The following KCNH8 variants were observed in gnomAD, a reference collection of about 807,000 sequenced individuals.
KCNH8 encodes voltage-gated delayed rectifier potassium channel KCNH8.
In KCNH8, 70 loss-of-function variants were observed where a neutral mutation model predicts 103.6. The observed-to-expected ratio is 0.68, with a 90% CI of 0.56 to 0.82. The LOEUF is 0.82. KCNH8 is among the 40% of genes least tolerant of loss of function. The pLI, the probability that KCNH8 is intolerant of heterozygous loss-of-function variation, is 0.00. For synonymous variants in KCNH8, 498 were observed against 489.4 expected, an observed-to-expected ratio of 1.02 and a Z score of -0.23; for missense variants, 1,217 against 1,329.9, an observed-to-expected ratio of 0.92 and a Z score of 1.32.
Position 19,342,673 on chromosome 3 carries a change from C to T in KCNH8, c.529C>T (p.His177Tyr), listed in dbSNP as rs1296375126. 6.2e-7 allele frequency: 1 copy of T among 1,610,322 alleles called. No homozygotes were observed. The highest frequency in any genetic ancestry group is 1.7e-5 in the Admixed American group (1 of 59,792). ...AGCAGTCCTTTATCACATCTCTGGGCACCTGCAAAGAAGAGAAAAGAACAA... is the reference window on the plus strand; with the variant it reads ...AGCAGTCCTTTATCACATCTCTGGGTACCTGCAAAGAAGAGAAAAGAACAA... Reference protein sequence around the residue: ...SRAVLYHISGHLQRREKNKLK... With the variant: ...SRAVLYHISGYLQRREKNKLK... The change falls in exon 4 of 16, where the codon CAC (histidine) becomes TAC (tyrosine). Residue 177 changes from histidine to tyrosine, a missense_variant. By Grantham distance (83) the His-to-Tyr change is moderately conservative. This residue lies in a region of KCNH8 where 244 missense variants were observed against 256.8 expected (regional missense o/e 0.95). Transcript: ENST00000328405.
chr3:19,264,663 A>C (rs2064483766), intron 2 of KCNH8, among the ~76,000 whole-genome samples: 1 of 152,108 alleles, frequency 6.6e-6, no homozygotes, highest in Non-Finnish European at 1.5e-5. Flanking sequence ...CTTCAAAGTC[A>C]GCCTTAGCAA....
At chr3:19,474,798 A>G (rs1386359779) in intron 11 of KCNH8, among the ~76,000 whole-genome samples, 1 of 152,242 alleles carries the variant, frequency 6.6e-6, no homozygotes, top group African/African-American at 2.4e-5. Flanking sequence ...GCCAGCATTC[A>G]TAAACAGTCC....
chr3:19,320,908 C>T (rs906030313), intron 3 of KCNH8, among the ~76,000 whole-genome samples: 6 of 151,538 alleles, frequency 4.0e-5, no homozygotes, highest in African/African-American at 9.7e-5. Flanking sequence ...GTTTAATCTA[C>T]GAGGGTTGCA....
chr3:19,375,782 T>C (rs1031646673), intron 5 of KCNH8, among the ~76,000 whole-genome samples: 6 of 151,740 alleles, frequency 4.0e-5, no homozygotes, highest in African/African-American at 1.2e-4. Flanking sequence ...AGATGGGTTT[T>C]TGGTGTGGAT....
At chr3:19,514,149 G>A (rs557867971) in intron 13 of KCNH8, among the ~76,000 whole-genome samples, 7 of 152,012 alleles carry the variant, frequency 4.6e-5, no homozygotes, top group South Asian at 2.1e-4. Context: ...ATATTTTGTC[G>A]AAGATCTCAG....
At chr3:19,515,146 C>T (rs145275063) in intron 13 of KCNH8, among the ~76,000 whole-genome samples, 176 bp from the exon 14 acceptor site, 5 of 151,562 alleles carry the variant, frequency 3.3e-5, no homozygotes, top group African/African-American at 9.6e-5. Flanking sequence ...TCAATTTGCA[C>T]AAACCACATT....
chr3:19,156,292 C>G (rs538761258), intron 1 of KCNH8, among the ~76,000 whole-genome samples: 1 of 152,258 alleles, frequency 6.6e-6, no homozygotes, highest in Non-Finnish European at 1.5e-5. Flanking sequence ...TGACAAAATT[C>G]AAGCCCAGAA....
At chr3:19,445,517 A>G (rs888341020) in intron 8 of KCNH8, among the ~76,000 whole-genome samples, 1 of 151,962 alleles carries the variant, frequency 6.6e-6, no homozygotes, top group Non-Finnish European at 1.5e-5. Flanking sequence ...TAAAATTTTA[A>G]TAGATGAGCT....
intron 15 of KCNH8, among the ~76,000 whole-genome samples, chr3:19,520,809 C>T (rs537290843): frequency 2.0e-5 from 3 of 152,056 alleles, no homozygotes; most frequent in Admixed American, 6.6e-5. Flanking sequence ...CAGAGCGCTG[C>T]AGAATCTCTA....
chr3:19,162,000 C>G (rs1180562525), intron 1 of KCNH8, among the ~76,000 whole-genome samples: 1 of 151,860 alleles, frequency 6.6e-6, no homozygotes, highest in Non-Finnish European at 1.5e-5. Context: ...ATATCTGAGC[C>G]TTTGAATTAT....
At chr3:19,449,945 ACTGT>A (rs1192236037) in intron 8 of KCNH8, among the ~76,000 whole-genome samples, 157 bp from the exon 9 acceptor site, 1 of 152,110 alleles carries the variant, frequency 6.6e-6, no homozygotes, top group African/African-American at 2.4e-5. Flanking sequence ...CCTGTGACAC[ACTGT>A]CTGTACCAAA....
chr3:19,149,602 TC>T (rs2063109312), intron 1 of KCNH8, among the ~76,000 whole-genome samples: 1 of 152,202 alleles, frequency 6.6e-6, no homozygotes, highest in African/African-American at 2.4e-5. Context: ...AGGTCCCCAC[TC>T]CTTCTCAGGC....
chr3:19,380,050 T>C (rs538310736), intron 5 of KCNH8, among the ~76,000 whole-genome samples: 10 of 152,168 alleles, frequency 6.6e-5, no homozygotes, highest in Non-Finnish European at 1.5e-4. Context: ...CAACAACCTA[T>C]ACCCTGTGAA....
At chr3:19,453,924 T>C (rs2067489770) in intron 10 of KCNH8, among the ~76,000 whole-genome samples, 1 of 152,138 alleles carries the variant, frequency 6.6e-6, no homozygotes, top group Admixed American at 6.6e-5. Context: ...AAGACCCATA[T>C]GCTTTTCACA....
intron 1 of KCNH8, among the ~76,000 whole-genome samples, chr3:19,248,323 G>A (rs2064231964): frequency 1.3e-5 from 2 of 152,158 alleles, no homozygotes; most frequent in African/African-American, 4.8e-5. Flanking sequence ...TGCTGCCTAT[G>A]AGACTCCAGA....
At chr3:19,202,507 G>C (rs914630479) in intron 1 of KCNH8, among the ~76,000 whole-genome samples, 1 of 152,012 alleles carries the variant, frequency 6.6e-6, no homozygotes, top group African/African-American at 2.4e-5. Context: ...ATAATACAAA[G>C]ACCTCTCAGT....
At chr3:19,466,649 A>ATTT (rs869048680) in intron 11 of KCNH8, among the ~76,000 whole-genome samples, 36 of 50,640 alleles carry the variant, frequency 7.1e-4, no homozygotes, top group East Asian at 2.0e-3. Flanking sequence ...GTAGCAATAC[A>ATTT]TTTTTTTTTT....
At chr3:19,312,128 C>G (rs998856080) in intron 3 of KCNH8, among the ~76,000 whole-genome samples, 2 of 151,904 alleles carry the variant, frequency 1.3e-5, no homozygotes, top group African/African-American at 4.8e-5. Context: ...GCCAAGTATA[C>G]TGCAGCTTAC....
chr3:19,217,056 C>G (rs1401170446), intron 1 of KCNH8, among the ~76,000 whole-genome samples: 1 of 152,162 alleles, frequency 6.6e-6, no homozygotes, highest in Non-Finnish European at 1.5e-5. Context: ...GCAAGATGCA[C>G]CTCGTGAGGT....
Sources: gnomAD v4.1 joint callset for allele counts (sites outside exome capture counted in the v4.1 genomes callset) on GRCh38, gnomAD v4.1.1 for gene constraint, gnomAD v4.1.1 regional missense constraint, MANE v1.5 for transcripts, NCBI Gene and HGNC (gene_info 2026-07-23, HGNC 2026-07-21) for gene names.